The following MTX2 variants were observed in gnomAD, a reference collection of about 807,000 sequenced individuals.
MTX2 encodes the protein metaxin-2.
Under a neutral mutation model 42.3 loss-of-function variants are expected in MTX2, and 35 were observed. The ratio of observed to expected loss-of-function variants is 0.83; its 90% CI spans 0.63 to 1.10. The LOEUF is 1.10. MTX2 is among the 50% of genes least tolerant of loss of function. The pLI, the probability that MTX2 is intolerant of heterozygous loss-of-function variation, is 0.00. For missense variants in MTX2, 307 were observed against 304.1 expected (o/e 1.01, Z -0.07); for synonymous variants, 119 against 100.9 (o/e 1.18, Z -1.08).
At chr2:176,310,977 G>A (rs1211353774) in intron 3 of MTX2, among the ~76,000 whole-genome samples, 1 of 152,134 alleles carries the variant, frequency 6.6e-6, no homozygotes, top group Non-Finnish European at 1.5e-5. Context: ...AGGAGGAGAG[G>A]CACTCTGATT....
At chr2:176,315,357 T>G (rs369070085) in intron 3 of MTX2, among the ~76,000 whole-genome samples, 47 of 152,314 alleles carry the variant, frequency 3.1e-4, no homozygotes, top group African/African-American at 1.1e-3. Flanking sequence ...GGAATTATTT[T>G]TCCTATATCC....
intron 9 of MTX2, among the ~76,000 whole-genome samples, chr2:176,333,183 T>A (rs917525377): frequency 6.6e-6 from 1 of 151,532 alleles, no homozygotes; most frequent in Admixed American, 6.6e-5. Context: ...CAATAATATA[T>A]GAAACATCTT....
chr2:176,333,992 G>C (rs993324242), intron 9 of MTX2, among the ~76,000 whole-genome samples: 1 of 151,750 alleles, frequency 6.6e-6, no homozygotes, highest in African/African-American at 2.4e-5. Flanking sequence ...ACACACAACT[G>C]TATGTGCTTT....
intron 3 of MTX2, among the ~76,000 whole-genome samples, chr2:176,314,603 T>A (rs1316284444): frequency 6.6e-6 from 1 of 152,134 alleles, no homozygotes; most frequent in Non-Finnish European, 1.5e-5. Context: ...TTTAAGATGT[T>A]TTGTTTTGTT....
intron 1 of MTX2, among the ~76,000 whole-genome samples, chr2:176,293,241 GA>G (rs532502661): frequency 1.3e-5 from 2 of 151,898 alleles, no homozygotes. Context: ...TCAGTCTTAA[GA>G]AAAAAATGCT....
chr2:176,294,089 G>A (rs1043663759), intron 1 of MTX2, among the ~76,000 whole-genome samples: 1 of 152,138 alleles, frequency 6.6e-6, no homozygotes, highest in Non-Finnish European at 1.5e-5. Context: ...TTATGTCTTA[G>A]ATTGAGTGAA....
At chr2:176,332,584 C>G (rs1403634147) in intron 9 of MTX2, among the ~76,000 whole-genome samples, 1 of 151,174 alleles carries the variant, frequency 6.6e-6, no homozygotes, top group East Asian at 1.9e-4. Flanking sequence ...GTGAAAGAAA[C>G]CAAATACCGT....
intron 8 of MTX2, among the ~76,000 whole-genome samples, chr2:176,330,007 G>A (rs970790353): frequency 1.6e-4 from 24 of 150,886 alleles, no homozygotes; most frequent in Non-Finnish European, 3.1e-4. Context: ...ATTAATGCCC[G>A]TCTTTTCCAA....
At chr2:176,273,011 G>A (rs991290120) in intron 1 of MTX2, among the ~76,000 whole-genome samples, 8 of 152,176 alleles carry the variant, frequency 5.3e-5, no homozygotes, top group African/African-American at 1.4e-4. Flanking sequence ...GGGAGGCAAC[G>A]AACTCCAGCT....
At chr2:176,272,454 A>G (rs1326781279) in intron 1 of MTX2, among the ~76,000 whole-genome samples, 1 of 152,206 alleles carries the variant, frequency 6.6e-6, no homozygotes, top group Non-Finnish European at 1.5e-5. Flanking sequence ...GGTGATGGAT[A>G]TATTAATTAC....
chr2:176,292,137 T>A (rs1443799666), intron 1 of MTX2, among the ~76,000 whole-genome samples: 2 of 152,190 alleles, frequency 1.3e-5, no homozygotes. Flanking sequence ...CCAACCCCTT[T>A]TTTAGAAACT....
At chr2:176,299,975 A>C (rs1351549170) in intron 3 of MTX2, among the ~76,000 whole-genome samples, 2 of 151,938 alleles carry the variant, frequency 1.3e-5, no homozygotes, top group Non-Finnish European at 2.9e-5. Context: ...TTATGATTTC[A>C]GTTTAAAAAT....
At chr2:176,272,561 A>G (rs1313979990) in intron 1 of MTX2, among the ~76,000 whole-genome samples, 1 of 152,198 alleles carries the variant, frequency 6.6e-6, no homozygotes, top group East Asian at 1.9e-4. Context: ...ACATTTATAC[A>G]AAAATTATGG....
intron 9 of MTX2, among the ~76,000 whole-genome samples, chr2:176,335,722 T>C (rs868105339): frequency 1.7e-4 from 26 of 152,152 alleles, no homozygotes; most frequent in South Asian, 6.2e-4. Context: ...GTGGTGCCTT[T>C]TATTTTGGGA....
At chr2:176,273,555 A>G (rs1692874214) in intron 1 of MTX2, among the ~76,000 whole-genome samples, 1 of 152,206 alleles carries the variant, frequency 6.6e-6, no homozygotes, top group African/African-American at 2.4e-5. Context: ...GGAAACATTT[A>G]AAGATATCTG....
chr2:176,281,555 CA>C (rs1349244361), intron 1 of MTX2, among the ~76,000 whole-genome samples: 1 of 152,170 alleles, frequency 6.6e-6, no homozygotes, highest in Non-Finnish European at 1.5e-5. Flanking sequence ...AATCTACTCT[CA>C]ATTGTCCTGC....
chr2:176,295,751 T>A (rs1430105769), intron 1 of MTX2, among the ~76,000 whole-genome samples: 1 of 152,160 alleles, frequency 6.6e-6, no homozygotes, highest in Non-Finnish European at 1.5e-5. Flanking sequence ...TTCCAGGGAT[T>A]GCTTTAGAAC....
chr2:176,280,737 G>A (rs1262600952), intron 1 of MTX2, among the ~76,000 whole-genome samples: 2 of 152,208 alleles, frequency 1.3e-5, no homozygotes, highest in Non-Finnish European at 2.9e-5. Context: ...GTCAGTCAAT[G>A]TTGCAAACCG....
intron 3 of MTX2, among the ~76,000 whole-genome samples, chr2:176,321,763 C>T (rs972932474): frequency 4.6e-5 from 7 of 152,060 alleles, no homozygotes; most frequent in Admixed American, 2.0e-4. Context: ...TAAGGGAGCC[C>T]GGAAAATAAG....
Sources: allele counts gnomAD v4.1 joint callset (sites outside exome capture counted in the v4.1 genomes callset), GRCh38; gene constraint gnomAD v4.1.1; transcripts MANE v1.5; gene names NCBI Gene and HGNC (gene_info 2026-07-23, HGNC 2026-07-21).